The following DYTN variants were observed in gnomAD, a reference collection of about 807,000 sequenced individuals.
DYTN encodes the protein dystrotelin.
A neutral mutation model predicts 69.6 loss-of-function variants in DYTN; 75 were observed. The ratio of observed to expected loss-of-function variants is 1.08; its 90% CI spans 0.89 to 1.31. DYTN has a LOEUF of 1.31. DYTN is among the 50% of genes most tolerant of loss of function. The probability of loss-of-function intolerance (pLI) is 0.00; values close to 1 mark genes in which losing one functional copy is unlikely to be tolerated. For missense variants in DYTN, 726 were observed against 688.4 expected (o/e 1.05, Z -0.61); for synonymous variants, 252 against 249.1 (o/e 1.01, Z -0.11).
At chr2:206,661,847 G>T (rs1044543032) in intron 11 of DYTN, among the ~76,000 whole-genome samples, 3 of 152,148 alleles carry the variant, frequency 2.0e-5, no homozygotes, top group African/African-American at 4.8e-5. Flanking sequence ...CATTGTTCAA[G>T]AATCAACTGT....
intron 9 of DYTN, among the ~76,000 whole-genome samples, chr2:206,683,339 CTTTTTTTTTT>C (rs10531348): frequency 1.1e-4 from 12 of 111,946 alleles, no homozygotes; most frequent in Middle Eastern, 5.6e-3. Flanking sequence ...TTTACTTTTT[CTTTTTTTTTT>C]TTTTTTTTTT....
At chr2:206,706,648 T>A (rs1383039397) in intron 3 of DYTN, among the ~76,000 whole-genome samples, 1 of 152,182 alleles carries the variant, frequency 6.6e-6, no homozygotes, top group African/African-American at 2.4e-5. Context: ...GAATTCACTA[T>A]GATTTTTGAA....
At chr2:206,652,350 C>A (rs1283143097) in intron 11 of DYTN, among the ~76,000 whole-genome samples, 1 of 152,120 alleles carries the variant, frequency 6.6e-6, no homozygotes, top group Non-Finnish European at 1.5e-5. Context: ...AGTCCAGACA[C>A]CACATTTTTG....
chr2:206,659,911 GA>G, intron 11 of DYTN, among the ~76,000 whole-genome samples: 1 of 150,460 alleles, frequency 6.6e-6, no homozygotes, highest in East Asian at 1.9e-4. Flanking sequence ...TAAAAGAAGG[GA>G]AAGTGAAATT....
At chr2:206,699,631 G>T in intron 7 of DYTN, 96 bp downstream of exon 7, 1 of 1,422,604 alleles carries the variant, frequency 7.0e-7, no homozygotes, top group Non-Finnish European at 9.3e-7. Flanking sequence ...TTTCAGATGT[G>T]TAAGGAGGAC....
At chr2:206,716,548 T>C (rs1355228242) in intron 1 of DYTN, among the ~76,000 whole-genome samples, 3 of 152,200 alleles carry the variant, frequency 2.0e-5, no homozygotes, top group Admixed American at 6.5e-5. Flanking sequence ...GCTCTAAATC[T>C]TTTGTTATTC....
At chr2:206,706,270 G>GA (rs148649086) in intron 3 of DYTN, among the ~76,000 whole-genome samples, 26 of 149,524 alleles carry the variant, frequency 1.7e-4, no homozygotes, top group Middle Eastern at 3.4e-3. Context: ...TTTATGCAAA[G>GA]AAAAAAAAAA....
chr2:206,667,698 G>A (rs754661935), intron 9 of DYTN, among the ~76,000 whole-genome samples: 290 of 47,744 alleles, frequency 6.1e-3, no homozygotes, highest in Non-Finnish European at 9.2e-3. Context: ...TTGCGTGTGC[G>A]TGTGTGTGTG....
At position 206,662,884 on chromosome 2, in the gene DYTN, T is replaced by C. The variant is rs2359680; in HGVS notation, c.1633+19A>G. The stretch of plus-strand genomic sequence containing the variant: ...GAATCCTTGGCCATCACGATGTCTA[T>C]GGATTGTGAAAACCTTACCTGATGG... On this transcript the variant is annotated intron_variant, in intron 11 of 11. Coordinates refer to ENST00000452335, the MANE Select transcript of DYTN (RefSeq NM_001093730.1). 205,887 of 1,601,238 alleles carry C rather than the reference T, an allele frequency of 0.13. 14,218 individuals carry two copies. The highest frequency in any genetic ancestry group is 0.14 in the Non-Finnish European group (165,242 of 1,174,560).
intron 11 of DYTN, among the ~76,000 whole-genome samples, chr2:206,661,330 A>T (rs1395467504): frequency 4.6e-5 from 7 of 152,238 alleles, no homozygotes; most frequent in Admixed American, 2.0e-4. Context: ...GCCTCCTCTG[A>T]TGCAAAAACA....
rs1407441047 is a variant in DYTN, at chr2:206,658,198, CT to C, written c.1633+4704del. ...TCAGCTCCAAGACTATTGTTTGGTTCTTTTAAAAATTTCTCTATCTCTTTGT... is the reference window on the plus strand; with the variant it reads ...TCAGCTCCAAGACTATTGTTTGGTTCTTTAAAAATTTCTCTATCTCTTTGT... On this transcript the variant is annotated intron_variant, in intron 11 of 11. Coordinates refer to ENST00000452335, the MANE Select transcript of DYTN (RefSeq NM_001093730.1). 2.0e-5 allele frequency among the ~76,000 whole-genome samples: 3 copies of C among 151,922 alleles called. 1 individual carries two copies.
At chr2:206,683,772 T>C (rs1699777523) in intron 9 of DYTN, among the ~76,000 whole-genome samples, 1 of 152,158 alleles carries the variant, frequency 6.6e-6, no homozygotes, top group African/African-American at 2.4e-5. Context: ...ATACCAAGCA[T>C]GCCCCCACTT....
intron 5 of DYTN, among the ~76,000 whole-genome samples, 199 bp from the exon 6 acceptor site, chr2:206,700,415 C>A (rs1370606063): frequency 1.3e-5 from 2 of 151,950 alleles, no homozygotes; most frequent in African/African-American, 4.8e-5. Flanking sequence ...AATGAATAAG[C>A]AAGTGGGAAG....
intron 11 of DYTN, among the ~76,000 whole-genome samples, chr2:206,657,428 C>T (rs1183917528): frequency 6.6e-6 from 1 of 152,156 alleles, no homozygotes; most frequent in Non-Finnish European, 1.5e-5. Flanking sequence ...CAGATGTGAG[C>T]CACCACATCC....
intron 4 of DYTN, 26 bp downstream of exon 4, chr2:206,705,762 G>C: frequency 6.2e-7 from 1 of 1,608,934 alleles, no homozygotes; most frequent in South Asian, 1.1e-5. Context: ...TGCACTTTAG[G>C]ACACCCGCAG....
At chr2:206,667,691 C>CGT (rs1553572200) in intron 9 of DYTN, among the ~76,000 whole-genome samples, 5 of 130,462 alleles carry the variant, frequency 3.8e-5, no homozygotes, top group South Asian at 2.5e-4. Context: ...GGCAACTTTG[C>CGT]GTGTGCGTGT....
At chr2:206,715,510 A>C (rs1157062899) in intron 1 of DYTN, among the ~76,000 whole-genome samples, 1 of 152,194 alleles carries the variant, frequency 6.6e-6, no homozygotes, top group Non-Finnish European at 1.5e-5. Context: ...ATATGGGTGC[A>C]GGCAGAAGCA....
intron 11 of DYTN, among the ~76,000 whole-genome samples, chr2:206,657,593 G>T (rs1290751863): frequency 4.0e-5 from 6 of 151,778 alleles, no homozygotes; most frequent in African/African-American, 9.7e-5. Context: ...ATAGTATTTT[G>T]TATTTGCCTG....
At chr2:206,693,024 A>G in intron 9 of DYTN, 151 bp downstream of exon 9, 1 of 1,185,912 alleles carries the variant, frequency 8.4e-7, no homozygotes, top group Non-Finnish European at 1.1e-6. Context: ...GGCCCTTTTT[A>G]GAGGAAAAAA....
Sources: gnomAD v4.1 joint callset for allele counts (sites outside exome capture counted in the v4.1 genomes callset) on GRCh38, gnomAD v4.1.1 for gene constraint, MANE v1.5 for transcripts, NCBI Gene and HGNC (gene_info 2026-07-23, HGNC 2026-07-21) for gene names.